Variants in PNKP observed in about 807,000 individuals in gnomAD.
PNKP encodes bifunctional polynucleotide phosphatase/kinase.
Under a neutral mutation model 66.2 loss-of-function variants are expected in PNKP, and 82 were observed. The ratio of observed to expected loss-of-function variants is 1.24; its 90% CI spans 1.04 to 1.49. The LOEUF is 1.49. PNKP is among the 40% of genes most tolerant of loss of function. The pLI is 0.00. For synonymous variants in PNKP, 412 were observed against 298.9 expected, an observed-to-expected ratio of 1.38 and a Z score of -3.90; for missense variants, 907 against 706.8, an observed-to-expected ratio of 1.28 and a Z score of -3.21.
At chr19:49,862,857 C>A in intron 8 of PNKP, 119 bp from the exon 9 acceptor site, 1 of 1,060,998 alleles carries the variant, frequency 9.4e-7, no homozygotes, top group Non-Finnish European at 1.4e-6. Flanking sequence ...CCCGACCTTT[C>A]ATGTCCTCAC....
Position 49,861,742 on chromosome 19 carries a change from A to T in PNKP, c.1298+30T>A. 4 of 1,555,480 alleles carry T rather than the reference A, an allele frequency of 2.6e-6. No individual in the cohort carries two copies. The South Asian group carries it at 3.5e-5, about 14-fold the overall frequency. ...GTGCAGGCCCCGCCCACCCCGCCGC[A>T]GGCCACCTACGGCCCCGCGGTCACG... is the stretch of plus-strand genomic sequence containing the variant. On this transcript the variant is annotated intron_variant, in intron 14 of 16. Transcript: ENST00000322344.
chr19:49,867,310 A>C, intron 1 of PNKP, 93 bp from the exon 2 acceptor site: 1 of 1,293,066 alleles, frequency 7.7e-7, no homozygotes, highest in Non-Finnish European at 1.1e-6. Flanking sequence ...AAGTTTCCCC[A>C]CCATTAACTG....
intron 4 of PNKP, 115 bp from the exon 5 acceptor site, chr19:49,864,518 G>C (rs1321315967): frequency 1.2e-6 from 1 of 823,886 alleles, no homozygotes; most frequent in Non-Finnish European, 2.1e-6. Context: ...CCATCTCACA[G>C]ATGGGGAAAC....
Sources: allele counts gnomAD v4.1 joint callset, GRCh38; gene constraint gnomAD v4.1.1; transcripts MANE v1.5; gene names NCBI Gene and HGNC (gene_info 2026-07-23, HGNC 2026-07-21).